Variants in RANBP2 observed in about 807,000 individuals in gnomAD.
RANBP2 encodes RAN binding protein 2.
RANBP2 carries 57 observed loss-of-function variants against 303.6 expected under a neutral mutation model. The observed-to-expected ratio is 0.19, with a 90% CI of 0.15 to 0.23. RANBP2 has a LOEUF of 0.23. Among genes scored for constraint, RANBP2 ranks in the 10% least tolerant of loss-of-function variants. The pLI, the probability that RANBP2 is intolerant of heterozygous loss-of-function variation, is 1.00. For synonymous variants in RANBP2, 1,167 were observed against 1,301.5 expected (o/e 0.90, Z 2.23); for missense variants, 3,138 against 3,780.8 (o/e 0.83, Z 4.46).
chr2:109,058,021 C>T, the RANBP2 span, among the ~76,000 whole-genome samples: 4 of 152,328 alleles, frequency 2.6e-5, no homozygotes, highest in East Asian at 7.7e-4. Flanking sequence ...ATCCTGCCCA[C>T]ATTTACAGTT....
chr2:108,846,890 A>G, the RANBP2 span: 3 of 1,613,068 alleles, frequency 1.9e-6, no homozygotes, highest in South Asian at 1.1e-5. Flanking sequence ...TGCCATTGAG[A>G]TTTTTATCAA....
chr2:109,684,491 G>A, the RANBP2 span, among the ~76,000 whole-genome samples: 6 of 148,916 alleles, frequency 4.0e-5, no homozygotes, highest in South Asian at 6.4e-4. Context: ...CACCTGCCTC[G>A]GTCTCCCAAA....
the RANBP2 span, among the ~76,000 whole-genome samples, chr2:109,086,497 C>T: frequency 1.3e-5 from 2 of 152,332 alleles, no homozygotes; most frequent in South Asian, 2.1e-4. Context: ...CTTGCCAAGG[C>T]TGTCTTGTGG....
chr2:109,760,581 C>T, the RANBP2 span, among the ~76,000 whole-genome samples: 2 of 142,316 alleles, frequency 1.4e-5, no homozygotes, highest in Non-Finnish European at 3.1e-5. Context: ...GTCGGGAGCC[C>T]CGACCTGGGG....
chr2:109,267,956 C>A, the RANBP2 span, among the ~76,000 whole-genome samples: 3 of 152,018 alleles, frequency 2.0e-5, no homozygotes, highest in East Asian at 6.0e-4. Context: ...GACAGAGCAC[C>A]CCAGCTCTCA....
At chr2:108,981,051 G>C in the RANBP2 span, among the ~76,000 whole-genome samples, 1 of 152,214 alleles carries the variant, frequency 6.6e-6, no homozygotes, top group African/African-American at 2.4e-5. Context: ...CAGAGCATGA[G>C]CAGGACTTCC....
At chr2:108,787,819 T>G (rs1411930878), downstream of RANBP2, among the ~76,000 whole-genome samples, 1 of 152,018 alleles carries the variant, frequency 6.6e-6, no homozygotes, top group Non-Finnish European at 1.5e-5. Context: ...GGCAGGAGCA[T>G]GAGATGAGTG....
the RANBP2 span, among the ~76,000 whole-genome samples, chr2:109,591,850 T>C: frequency 5.7e-4 from 86 of 152,050 alleles, no homozygotes; most frequent in African/African-American, 1.9e-3. Context: ...TGAGCCGAGA[T>C]TGCACCACTG....
intron 23 of RANBP2, 121 bp from the exon 24 acceptor site, chr2:108,775,611 G>A (rs186631983): frequency 3.9e-5 from 37 of 944,694 alleles, no homozygotes; most frequent in Non-Finnish European, 2.8e-5. Context: ...ATAGGGTGAA[G>A]TGTGTTTATT....
At chr2:108,850,987 G>T in the RANBP2 span, among the ~76,000 whole-genome samples, 4 of 152,168 alleles carry the variant, frequency 2.6e-5, no homozygotes, top group Non-Finnish European at 5.9e-5. Context: ...CTCCAAGGCT[G>T]CCTCGTGCCA....
the RANBP2 span, among the ~76,000 whole-genome samples, chr2:109,622,561 A>G: frequency 1.3e-5 from 2 of 152,198 alleles, no homozygotes; most frequent in African/African-American, 4.8e-5. Flanking sequence ...CCTAGGATCA[A>G]ATTAATTTGG....
At chr2:109,534,638 G>A in the RANBP2 span, among the ~76,000 whole-genome samples, 2 of 152,012 alleles carry the variant, frequency 1.3e-5, no homozygotes, top group Admixed American at 6.6e-5. Context: ...AAATTAGCTG[G>A]GCGTGATGGC....
At chr2:109,414,395 A>G in the RANBP2 span, among the ~76,000 whole-genome samples, 4 of 152,074 alleles carry the variant, frequency 2.6e-5, no homozygotes, top group African/African-American at 7.2e-5. Flanking sequence ...CTTGGGAGCT[A>G]TTGATTCAGG....
chr2:109,628,386 C>T, the RANBP2 span, among the ~76,000 whole-genome samples: 1 of 151,978 alleles, frequency 6.6e-6, no homozygotes, highest in Non-Finnish European at 1.5e-5. Context: ...CCTAGCTACT[C>T]CGGAGGCTGA....
At chr2:109,534,272 A>T in the RANBP2 span, among the ~76,000 whole-genome samples, 1 of 152,128 alleles carries the variant, frequency 6.6e-6, no homozygotes, top group Non-Finnish European at 1.5e-5. Context: ...TGCAATTCTC[A>T]TCTAGCTCTG....
chr2:109,182,218 C>T, the RANBP2 span, among the ~76,000 whole-genome samples: 3 of 152,222 alleles, frequency 2.0e-5, no homozygotes, highest in East Asian at 5.8e-4. Context: ...GCTGGGAAGT[C>T]CAAGAGCATG....
chr2:108,905,147 A>AGAGGGT, the RANBP2 span, among the ~76,000 whole-genome samples: 3 of 152,202 alleles, frequency 2.0e-5, no homozygotes, highest in Admixed American at 2.0e-4. Flanking sequence ...GGATGGGCAG[A>AGAGGGT]GAGGGTGTTA....
the RANBP2 span, among the ~76,000 whole-genome samples, chr2:109,249,511 T>TTCTG: frequency 2.4e-5 from 1 of 41,868 alleles, no homozygotes; most frequent in Non-Finnish European, 4.6e-5. Context: ...CTTTCTTTCA[T>TTCTG]TCTTTCTTTT....
At chr2:109,236,560 G>A in the RANBP2 span, among the ~76,000 whole-genome samples, 2 of 152,158 alleles carry the variant, frequency 1.3e-5, no homozygotes, top group Admixed American at 6.5e-5. Context: ...GCATACACTT[G>A]GTTGAAGATG....
Sources: allele counts gnomAD v4.1 joint callset (sites outside exome capture counted in the v4.1 genomes callset), GRCh38; gene constraint gnomAD v4.1.1; transcripts MANE v1.5; gene names NCBI Gene and HGNC (gene_info 2026-07-23, HGNC 2026-07-21).